The following GALNT13 variants were observed in gnomAD, a reference collection of about 807,000 sequenced individuals.
GALNT13 encodes the protein polypeptide N-acetylgalactosaminyltransferase 13, also known as UDP-GalNAc:polypeptide N-acetylgalactosaminyltransferase 13.
Under a neutral mutation model 64.2 loss-of-function variants are expected in GALNT13, and 28 were observed. The observed-to-expected ratio is 0.44, with a 90% CI of 0.32 to 0.60. GALNT13 has a LOEUF of 0.60. Ranked by LOEUF, GALNT13 falls within the 20% of genes least tolerant of loss-of-function variation. GALNT13 has a pLI of 0.05. For synonymous variants in GALNT13, 214 were observed against 224.6 expected, an observed-to-expected ratio of 0.95 and a Z score of 0.42; for missense variants, 577 against 669.8, an observed-to-expected ratio of 0.86 and a Z score of 1.53.
chr2:153,637,843 T>C, the GALNT13 span, among the ~76,000 whole-genome samples: 68 of 152,308 alleles, frequency 4.5e-4, 1 homozygote, highest in African/African-American at 1.5e-3. Flanking sequence ...GAGAAAATGA[T>C]TGATTCCGTC....
chr2:153,566,939 A>G, the GALNT13 span, among the ~76,000 whole-genome samples: 7 of 152,210 alleles, frequency 4.6e-5, no homozygotes, highest in Non-Finnish European at 1.0e-4. Flanking sequence ...GACTGAAGCT[A>G]ATTGAATTTA....
intron 3 of GALNT13, among the ~76,000 whole-genome samples, chr2:154,121,187 G>A (rs1009557909): frequency 6.6e-6 from 1 of 152,006 alleles, no homozygotes; most frequent in Non-Finnish European, 1.5e-5. Flanking sequence ...ACATATGGAT[G>A]TTTCAGACAT....
At chr2:153,182,625 G>T in the GALNT13 span, among the ~76,000 whole-genome samples, 1 of 152,076 alleles carries the variant, frequency 6.6e-6, no homozygotes, top group South Asian at 2.1e-4. Context: ...CTGACTGACA[G>T]GTCCCAGAGT....
At chr2:154,129,361 T>C (rs1289585837) in intron 3 of GALNT13, among the ~76,000 whole-genome samples, 1 of 152,198 alleles carries the variant, frequency 6.6e-6, no homozygotes, top group Admixed American at 6.5e-5. Flanking sequence ...CAGTTAATTT[T>C]TTCTTCTTCT....
At chr2:153,345,629 C>CTTTCTT in the GALNT13 span, among the ~76,000 whole-genome samples, 80 of 110,784 alleles carry the variant, frequency 7.2e-4, 1 homozygote, top group East Asian at 0.017. Context: ...TTTTCTTTTC[C>CTTTCTT]TTTCTTTTTC....
At chr2:153,141,517 G>A in the GALNT13 span, among the ~76,000 whole-genome samples, 1 of 152,012 alleles carries the variant, frequency 6.6e-6, no homozygotes, top group Admixed American at 6.6e-5. Flanking sequence ...TACAGATGGT[G>A]GATAGTGAGG....
At chr2:154,113,964 G>A (rs1201426525) in intron 3 of GALNT13, among the ~76,000 whole-genome samples, 1 of 152,176 alleles carries the variant, frequency 6.6e-6, no homozygotes, top group Non-Finnish European at 1.5e-5. Context: ...AACCACATCT[G>A]GTACAACAGC....
the GALNT13 span, among the ~76,000 whole-genome samples, chr2:153,398,131 T>G: frequency 7.2e-6 from 1 of 138,878 alleles, no homozygotes; most frequent in Non-Finnish European, 1.5e-5. Context: ...GTCCATGAGA[T>G]CTCATTGTTC....
chr2:153,660,666 C>G, the GALNT13 span, among the ~76,000 whole-genome samples: 2 of 151,594 alleles, frequency 1.3e-5, no homozygotes, highest in South Asian at 4.2e-4. Flanking sequence ...ATTTTTCATT[C>G]AGGTTACCTG....
At chr2:153,111,740 A>G in the GALNT13 span, among the ~76,000 whole-genome samples, 1 of 152,088 alleles carries the variant, frequency 6.6e-6, no homozygotes, top group Non-Finnish European at 1.5e-5. Context: ...CTTCTGTAAC[A>G]TAATAGACCA....
the GALNT13 span, among the ~76,000 whole-genome samples, chr2:153,324,241 A>G: frequency 0.68 from 103,910 of 151,930 alleles, 37,010 homozygotes; most frequent in Non-Finnish European, 0.79. Flanking sequence ...TAGGTATTTT[A>G]TTATCTTTGT....
At chr2:153,233,457 C>A in the GALNT13 span, among the ~76,000 whole-genome samples, 1 of 150,286 alleles carries the variant, frequency 6.7e-6, no homozygotes, top group South Asian at 2.1e-4. Context: ...GCCTTTAGAG[C>A]TATTCTCAAT....
intron 3 of GALNT13, among the ~76,000 whole-genome samples, chr2:153,973,074 A>G (rs6750824): frequency 0.2 from 31,109 of 151,896 alleles, 4,122 homozygotes; most frequent in Middle Eastern, 0.33. Flanking sequence ...AAAATATTTA[A>G]TTCTTCTATG....
the GALNT13 span, among the ~76,000 whole-genome samples, chr2:153,791,341 CAT>C: frequency 1.3e-5 from 2 of 152,074 alleles, no homozygotes; most frequent in Admixed American, 6.6e-5. Context: ...TCACACCAGT[CAT>C]AATGGTTATT....
the GALNT13 span, among the ~76,000 whole-genome samples, chr2:153,644,272 C>A: frequency 6.6e-6 from 1 of 152,002 alleles, no homozygotes; most frequent in Non-Finnish European, 1.5e-5. Context: ...TGAAAGCATC[C>A]TATCTAATAA....
intron 3 of GALNT13, among the ~76,000 whole-genome samples, chr2:154,002,280 C>G (rs975781443): frequency 2.0e-5 from 3 of 151,684 alleles, no homozygotes; most frequent in Non-Finnish European, 4.4e-5. Flanking sequence ...TTTCTTTTGT[C>G]TCCTTCAGTA....
the GALNT13 span, among the ~76,000 whole-genome samples, chr2:153,458,929 C>T: frequency 7.9e-5 from 12 of 152,116 alleles, no homozygotes; most frequent in South Asian, 2.1e-4. Context: ...TGTTCTTTCT[C>T]TGTTTCTAGG....
At chr2:154,177,231 T>C (rs1051403946) in intron 4 of GALNT13, among the ~76,000 whole-genome samples, 2 of 151,990 alleles carry the variant, frequency 1.3e-5, no homozygotes, top group African/African-American at 4.8e-5. Flanking sequence ...TAGAAAGAAA[T>C]GAGCTCTCAA....
the GALNT13 span, among the ~76,000 whole-genome samples, chr2:153,583,833 G>T: frequency 6.6e-6 from 1 of 152,136 alleles, no homozygotes; most frequent in African/African-American, 2.4e-5. Flanking sequence ...GAAAAGGTGT[G>T]GGCTCTCACA....
Sources: allele counts gnomAD v4.1 joint callset (sites outside exome capture counted in the v4.1 genomes callset), GRCh38; gene constraint gnomAD v4.1.1; transcripts MANE v1.5; gene names NCBI Gene and HGNC (gene_info 2026-07-23, HGNC 2026-07-21).